RPS6KA2: variants seen among roughly 807,000 people sequenced by gnomAD.
RPS6KA2 encodes ribosomal protein S6 kinase A2, also known as ribosomal protein S6 kinase alpha-2.
Under a neutral mutation model 91.8 loss-of-function variants are expected in RPS6KA2, and 42 were observed. That is an observed-to-expected ratio of 0.46 (90% confidence interval 0.36 to 0.59). The LOEUF (loss-of-function observed/expected upper bound fraction) is 0.59, where lower values mean the gene tolerates loss of function less well. RPS6KA2 is among the 20% of genes least tolerant of loss of function. The probability of loss-of-function intolerance (pLI) is 0.00; values close to 1 mark genes in which losing one functional copy is unlikely to be tolerated. For missense variants in RPS6KA2, 798 were observed against 978.5 expected (o/e 0.82, Z 2.46); for synonymous variants, 414 against 393.6 (o/e 1.05, Z -0.61).
chr6:166,477,955 G>T (rs1359455863), intron 10 of RPS6KA2, among the ~76,000 whole-genome samples: 3 of 152,202 alleles, frequency 2.0e-5, no homozygotes, highest in Admixed American at 6.5e-5. Context: ...AAAGCGCTTC[G>T]ATTGCTGCAA....
At chr6:166,614,634 TCC>T (rs891143630) in intron 1 of RPS6KA2, among the ~76,000 whole-genome samples, 20 of 152,256 alleles carry the variant, frequency 1.3e-4, no homozygotes, top group African/African-American at 4.8e-4. Context: ...CACAGGGTTT[TCC>T]CTCCCAGTTG....
intron 1 of RPS6KA2, among the ~76,000 whole-genome samples, chr6:166,550,871 G>T (rs542427273): frequency 6.6e-6 from 1 of 151,706 alleles, no homozygotes; most frequent in East Asian, 1.9e-4. Context: ...CGTGGTGGCG[G>T]GCGCCTGTAG....
Position 166,770,713 on chromosome 6 carries a change from C to G in RPS6KA2, c.123+87487G>C. On this transcript the variant is annotated intron_variant, in intron 2 of 21. Coordinates refer to the RPS6KA2 transcript ENST00000503859. The surrounding 1 kb of genome is among the most constrained non-coding windows in gnomAD (Gnocchi z 5.1). ...CACATTTTCCTGTGGAGTGGTCCAGCCTTCTAAAAGCTCTTCGCACCTTGC... is the reference window on the plus strand; with the variant it reads ...CACATTTTCCTGTGGAGTGGTCCAGGCTTCTAAAAGCTCTTCGCACCTTGC... 1 of 709,028 alleles carries G rather than the reference C, an allele frequency of 1.4e-6. No individual in the cohort carries two copies. Among genetic ancestry groups the G allele is most frequent in the Non-Finnish European group, 2.3e-6 (1 of 430,988 alleles). The allele number at this position is 709,028 out of a possible 1,614,324, so 43.9% of individuals were successfully genotyped here.
intron 10 of RPS6KA2, among the ~76,000 whole-genome samples, chr6:166,477,559 C>G (rs1781022733): frequency 6.6e-6 from 1 of 152,208 alleles, no homozygotes; most frequent in Non-Finnish European, 1.5e-5. Context: ...AATACTTTGT[C>G]ACATTCACCC....
intron 3 of RPS6KA2, among the ~76,000 whole-genome samples, chr6:166,525,634 G>A (rs1782999189): frequency 1.3e-5 from 2 of 152,206 alleles, no homozygotes; most frequent in South Asian, 4.1e-4. Context: ...GAAACAAGCT[G>A]GAGTTTCAAA....
intron 2 of RPS6KA2, among the ~76,000 whole-genome samples, chr6:166,797,651 G>T (rs1779259813): frequency 6.6e-6 from 1 of 152,128 alleles, no homozygotes. Context: ...CAGGCAGGGG[G>T]TGCTGACGAG....
At chr6:166,616,348 C>T (rs1309226237) in intron 1 of RPS6KA2, among the ~76,000 whole-genome samples, 2 of 152,162 alleles carry the variant, frequency 1.3e-5, no homozygotes, top group African/African-American at 4.8e-5. Flanking sequence ...ACGCATGGAT[C>T]ACAGGCAACA....
At chr6:166,618,477 G>C (rs546030106) in intron 1 of RPS6KA2, among the ~76,000 whole-genome samples, 15 of 152,312 alleles carry the variant, frequency 9.8e-5, no homozygotes, top group African/African-American at 3.4e-4. Context: ...AGACAGTTCA[G>C]GGAAGGGAAG....
intron 2 of RPS6KA2, among the ~76,000 whole-genome samples, chr6:166,810,506 C>A (rs1206126771): frequency 2.0e-5 from 3 of 152,168 alleles, no homozygotes; most frequent in Non-Finnish European, 4.4e-5. Context: ...TTGTGACTAA[C>A]TCAATCCTAT....
chr6:166,842,361 T>TGGAGGTGGAGACTGG (rs1780506199), intron 2 of RPS6KA2, among the ~76,000 whole-genome samples: 2 of 152,058 alleles, frequency 1.3e-5, no homozygotes, highest in South Asian at 4.2e-4. Context: ...CATGTGAAGA[T>TGGAGGTGGAGACTGG]GGAGGTGGAG....
At chr6:166,615,770 A>G (rs964539958) in intron 1 of RPS6KA2, among the ~76,000 whole-genome samples, 1 of 152,058 alleles carries the variant, frequency 6.6e-6, no homozygotes, top group African/African-American at 2.4e-5. Context: ...AGAGAGGGAG[A>G]GCACACCCCC....
intron 1 of RPS6KA2, among the ~76,000 whole-genome samples, chr6:166,596,556 C>T (rs1785540358): frequency 6.6e-6 from 1 of 152,202 alleles, no homozygotes; most frequent in South Asian, 2.1e-4. Context: ...CTAAGACTTA[C>T]ACCAGTGGTT....
chr6:166,811,040 GT>G (rs551261032), intron 2 of RPS6KA2, among the ~76,000 whole-genome samples: 2 of 152,202 alleles, frequency 1.3e-5, no homozygotes, highest in Non-Finnish European at 2.9e-5. Flanking sequence ...AGACAGCACA[GT>G]TTCTTAAGGA....
chr6:166,701,562 C>A, intron 2 of RPS6KA2: 1 of 1,449,650 alleles, frequency 6.9e-7, no homozygotes, highest in Non-Finnish European at 9.7e-7. Context: ...GCTGGCCCTG[C>A]TTGCTGATGA....
chr6:166,787,042 T>C (rs943530172), intron 2 of RPS6KA2, among the ~76,000 whole-genome samples: 2 of 152,164 alleles, frequency 1.3e-5, no homozygotes, highest in African/African-American at 4.8e-5. Context: ...GAAAACTCAA[T>C]CCAGAATTTA....
chr6:166,616,429 C>T (rs1352004291), intron 1 of RPS6KA2, among the ~76,000 whole-genome samples: 1 of 152,222 alleles, frequency 6.6e-6, no homozygotes, highest in Non-Finnish European at 1.5e-5. Context: ...CCAGCAGCAG[C>T]TCTCATGCCT....
At chr6:166,829,059 A>G (rs188087866) in intron 2 of RPS6KA2, among the ~76,000 whole-genome samples, 88 of 152,370 alleles carry the variant, frequency 5.8e-4, no homozygotes, top group Admixed American at 5.6e-3. Flanking sequence ...ACAGAAGACT[A>G]CAGGTGACCA....
In RPS6KA2 at chr6:166,494,240, C is replaced by T. The variant is rs1211045991; in HGVS notation, c.748-3499G>A. 1.3e-5 allele frequency among the ~76,000 whole-genome samples: 2 copies of T among 152,084 alleles called. No individual in the cohort carries two copies. The highest frequency in any genetic ancestry group is 2.9e-5 in the Non-Finnish European group (2 of 68,018). ...GGTCCCTGTGTGCACAGACACATGCCCTCTAATCCGAGCTGCTCTCGCTCC... is the reference window on the plus strand; with the variant it reads ...GGTCCCTGTGTGCACAGACACATGCTCTCTAATCCGAGCTGCTCTCGCTCC... On this transcript the variant is annotated intron_variant, in intron 8 of 20. Transcript: ENST00000265678. This position sits in a 1 kb window ranked among gnomAD's most constrained non-coding sequence, Gnocchi z 5.1.
rs1781720357 is a variant in RPS6KA2, at chr6:166,494,687, A to G, written c.747+3821T>C. Reference sequence around the variant, plus strand: ...CTCCTAATTTCAGACACGGAATTTTATTCAGGGACACTGACTTCCTGCCCC... The same window carrying G: ...CTCCTAATTTCAGACACGGAATTTTGTTCAGGGACACTGACTTCCTGCCCC... On this transcript the variant is annotated intron_variant, in intron 8 of 20. Coordinates refer to ENST00000265678, the MANE Select transcript of RPS6KA2 (RefSeq NM_021135.6). This position sits in a 1 kb window ranked among gnomAD's most constrained non-coding sequence, Gnocchi z 5.1. 6.6e-6 allele frequency among the ~76,000 whole-genome samples: 1 copy of G among 152,170 alleles called. No individual in the cohort carries two copies. The highest frequency in any genetic ancestry group is 1.5e-5 in the Non-Finnish European group (1 of 68,024).
Sources: allele counts gnomAD v4.1 joint callset (sites outside exome capture counted in the v4.1 genomes callset), GRCh38; gene constraint gnomAD v4.1.1; non-coding constraint Gnocchi (gnomAD v3.1); transcripts MANE v1.5; gene names NCBI Gene and HGNC (gene_info 2026-07-23, HGNC 2026-07-21).